NLRP11: variants seen among roughly 807,000 people sequenced by gnomAD.
NLRP11 encodes NLR family pyrin domain containing 11, also known as NACHT, LRR and PYD domains-containing protein 11.
A neutral mutation model predicts 79.3 loss-of-function variants in NLRP11; 53 were observed. The ratio of observed to expected loss-of-function variants is 0.67; its 90% CI spans 0.54 to 0.84. NLRP11 has a LOEUF of 0.84. NLRP11 is among the 40% of genes least tolerant of loss of function. NLRP11 has a pLI of 0.00. For missense variants in NLRP11, 1,264 were observed against 1,255.0 expected, an observed-to-expected ratio of 1.01 and a Z score of -0.11; for synonymous variants, 518 against 462.6, an observed-to-expected ratio of 1.12 and a Z score of -1.54.
At chr19:55,807,498 G>A (rs965250797) in intron 4 of NLRP11, among the ~76,000 whole-genome samples, 10 of 152,156 alleles carry the variant, frequency 6.6e-5, no homozygotes, top group African/African-American at 1.7e-4. Flanking sequence ...ATATGAAGCC[G>A]TATGAAGACA....
intron 5 of NLRP11, among the ~76,000 whole-genome samples, chr19:55,797,598 G>T (rs561786042): frequency 6.6e-6 from 1 of 152,272 alleles, no homozygotes; most frequent in Admixed American, 6.5e-5. Flanking sequence ...AATCAGAGTA[G>T]GTCATAGAGA....
chr19:55,817,788 C>T (rs1981281611), intron 2 of NLRP11, 116 bp downstream of exon 2: 3 of 818,584 alleles, frequency 3.7e-6, no homozygotes, highest in Non-Finnish European at 3.8e-6. Context: ...CTCATGTACT[C>T]AAATACCACC....
At chr19:55,810,057 G>A (rs1387413424) in exon 3 of NLRP11, 2 of 1,614,006 alleles carry the variant, frequency 1.2e-6, no homozygotes. Context: ...GCAGTGAGGT[G>A]AACGACGTAC....
At chr19:55,832,628 T>C (rs1215358692), upstream of NLRP11, among the ~76,000 whole-genome samples, 1 of 152,220 alleles carries the variant, frequency 6.6e-6, no homozygotes, top group Non-Finnish European at 1.5e-5. Context: ...GCTCCTCATA[T>C]TGAACAGATT....
At chr19:55,795,424 C>T (rs1978736186) in intron 6 of NLRP11, among the ~76,000 whole-genome samples, 1 of 152,148 alleles carries the variant, frequency 6.6e-6, no homozygotes, top group African/African-American at 2.4e-5. Flanking sequence ...ATATAGGTTC[C>T]CTGCTCTTAG....
chr19:55,801,500 G>C, intron 5 of NLRP11, 72 bp downstream of exon 5: 1 of 1,206,936 alleles, frequency 8.3e-7, no homozygotes, highest in Non-Finnish European at 1.2e-6. Flanking sequence ...GTTATTGAAG[G>C]GGCACCTCTA....
chr19:55,796,033 A>C, intron 6 of NLRP11, 47 bp downstream of exon 6: 1 of 1,522,674 alleles, frequency 6.6e-7, no homozygotes, highest in East Asian at 2.3e-5. Flanking sequence ...TTAGATATTC[A>C]AGTCAGTCTG....
upstream of NLRP11, chr19:55,832,223 G>A (rs574901757): frequency 2.0e-5 from 3 of 152,292 alleles, no homozygotes; most frequent in African/African-American, 7.2e-5. Context: ...TTATGATGTT[G>A]GAGCTCATGG....
chr19:55,796,184 C>T, exon 6 of NLRP11: 4 of 1,613,970 alleles, frequency 2.5e-6, no homozygotes, highest in Non-Finnish European at 2.5e-6. Flanking sequence ...TTCTCAGACT[C>T]CCGCCACTGA....
At chr19:55,785,633 G>T in exon 10 of NLRP11, 6 of 1,613,024 alleles carry the variant, frequency 3.7e-6, no homozygotes, top group Non-Finnish European at 5.1e-6. Flanking sequence ...GATCAAAGGG[G>T]TTGCCTAGAT....
chr19:55,832,860 C>T (rs781668270), upstream of NLRP11: 1 of 152,144 alleles, frequency 6.6e-6, no homozygotes, highest in African/African-American at 2.4e-5. Flanking sequence ...ACAAGGCCTC[C>T]GTCACCACTC....
intron 9 of NLRP11, among the ~76,000 whole-genome samples, chr19:55,786,463 G>C (rs1989885819): frequency 6.6e-6 from 1 of 152,218 alleles, no homozygotes; most frequent in South Asian, 2.1e-4. Flanking sequence ...CAAGGCTGCA[G>C]TGAGCCATGA....
intron 5 of NLRP11, among the ~76,000 whole-genome samples, chr19:55,799,676 C>G (rs1414821935): frequency 6.6e-6 from 1 of 152,074 alleles, no homozygotes; most frequent in Admixed American, 6.5e-5. Flanking sequence ...CAATGACTCT[C>G]AAGAACCATG....
At position 55,810,034 on chromosome 19, in the gene NLRP11, G is replaced by A. The variant is rs1478008180; in HGVS notation, c.576C>T (p.Asn192=). Residue 192 remains asparagine (N), a synonymous_variant, in exon 3 of 10, where the codon AAC becomes AAT. Coordinates refer to ENST00000589093, the Ensembl canonical transcript of NLRP11. ...CAGCCAAGCTGCTGTTGGTCATCTG[G>A]TTTATTTCGTGAGCAGTGAGGTGAA... The A allele has an allele frequency of 3.7e-6, 6 of 1,614,146 alleles. No individual in the cohort carries two copies. The South Asian group carries it at 6.6e-5, about 18-fold the overall frequency.
chr19:55,831,095 G>A (rs899387991), intron 1 of NLRP11, among the ~76,000 whole-genome samples: 2 of 80,568 alleles, frequency 2.5e-5, no homozygotes, highest in African/African-American at 5.0e-5. Flanking sequence ...AAGACCCACC[G>A]CCCCACCCCC....
chr19:55,819,130 C>G (rs74539580), intron 1 of NLRP11, among the ~76,000 whole-genome samples: 450 of 12,868 alleles, frequency 0.035, 5 homozygotes, highest in East Asian at 0.17. Flanking sequence ...ATCGCCTACA[C>G]ACACACACAC....
chr19:55,805,558 A>G (rs906605344), intron 4 of NLRP11, among the ~76,000 whole-genome samples: 3 of 151,192 alleles, frequency 2.0e-5, no homozygotes, highest in African/African-American at 7.3e-5. Context: ...TTAAATACAC[A>G]CAATGGAGTC....
chr19:55,790,546 T>C (rs1319130467), intron 7 of NLRP11, among the ~76,000 whole-genome samples: 1 of 152,264 alleles, frequency 6.6e-6, no homozygotes, highest in Non-Finnish European at 1.5e-5. Flanking sequence ...ATTTATTCTG[T>C]TCACTGATGT....
chr19:55,805,914 T>G (rs1276578013), intron 4 of NLRP11, among the ~76,000 whole-genome samples: 1 of 152,236 alleles, frequency 6.6e-6, no homozygotes, highest in African/African-American at 2.4e-5. Context: ...GAACTGTTCT[T>G]GGCCAACAAT....
Sources: gnomAD v4.1 joint callset for allele counts (sites outside exome capture counted in the v4.1 genomes callset) on GRCh38, gnomAD v4.1.1 for gene constraint, MANE v1.5 for transcripts, NCBI Gene and HGNC (gene_info 2026-07-23, HGNC 2026-07-21) for gene names.